Variants in TRRAP observed in about 807,000 individuals in gnomAD.
TRRAP encodes transformation/transcription domain associated protein, also known as transformation/transcription domain-associated protein.
TRRAP carries 41 observed loss-of-function variants against 438.8 expected under a neutral mutation model. The ratio of observed to expected loss-of-function variants is 0.09; its 90% CI spans 0.07 to 0.12. The LOEUF (loss-of-function observed/expected upper bound fraction) is 0.12, where lower values mean the gene tolerates loss of function less well. Ranked by LOEUF, TRRAP falls within the 10% of genes least tolerant of loss-of-function variation. The probability of loss-of-function intolerance (pLI) is 1.00; values close to 1 mark genes in which losing one functional copy is unlikely to be tolerated. For synonymous variants in TRRAP, 1,994 were observed against 1,962.9 expected (o/e 1.02, Z -0.42); for missense variants, 3,122 against 5,055.1 (o/e 0.62, Z 11.60).
intron 10 of TRRAP, among the ~76,000 whole-genome samples, chr7:98,900,230 C>T (rs531871632): frequency 1.3e-5 from 2 of 152,158 alleles, no homozygotes; most frequent in Non-Finnish European, 2.9e-5. Context: ...CATGCACCCT[C>T]CTGACTTGGA....
At chr7:99,010,930 C>T (rs1794400010) in intron 70 of TRRAP, 122 bp from the exon 71 acceptor site, 1 of 1,024,212 alleles carries the variant, frequency 9.8e-7, no homozygotes. Context: ...TTAAATCTGT[C>T]ACCAGAATTT....
intron 26 of TRRAP, among the ~76,000 whole-genome samples, chr7:98,931,976 G>A (rs2116518254): frequency 6.6e-6 from 1 of 151,516 alleles, no homozygotes; most frequent in East Asian, 1.9e-4. Context: ...AGGCTGGAGT[G>A]CAATCCTAGC....
At position 98,984,976 on chromosome 7, in the gene TRRAP, A is replaced by G; in HGVS notation, c.9321A>G (p.Lys3107=). ...GLEVIESTNL[K]YFTKEMTAEF... ...AAGTTATTGAATCTACAAATTTAAA[A>G]TACTTCACAAAAGAGATGACAGCCG... The change falls in exon 62 of 73, where the codon AAA becomes AAG. Residue 3107 remains lysine (K), a synonymous_variant. Transcript: ENST00000456197. 6.2e-7 allele frequency: 1 copy of G among 1,613,428 alleles called. No homozygotes were observed. The highest frequency in any genetic ancestry group is 8.5e-7 in the Non-Finnish European group (1 of 1,179,728).
Position 98,967,506 on chromosome 7 carries a change from C to T in TRRAP, c.7320C>T (p.Ser2440=), listed in dbSNP as rs766510838. 30 of 1,613,794 alleles carry T rather than the reference C, an allele frequency of 1.9e-5. No individual in the cohort carries two copies. Among genetic ancestry groups the T allele is most frequent in the Admixed American group, 5.0e-5 (3 of 59,968 alleles). Residue 2440 remains serine (S), a synonymous_variant, in exon 51 of 73, where the codon AGC becomes AGT. Transcript: ENST00000456197. ...YVYRDETLSG[S]ELTAKLEPAF... is the part of the protein sequence containing the mutation. The stretch of plus-strand genomic sequence containing the variant: ...ACAGGGATGAGACCCTCTCTGGCAG[C>T]GAGCTGACGGCGAAACTTGAGCCTG...
Position 98,975,948 on chromosome 7 carries a change from G to A in TRRAP, c.7840-201G>A, listed in dbSNP as rs1309487220. 4 of 618,672 alleles carry A rather than the reference G, an allele frequency of 6.5e-6. No individual in the cohort carries two copies. The African/African-American group carries it at 7.4e-5, about 11-fold the overall frequency. The allele number at this position is 618,672 out of a possible 1,614,324, so 38.3% of individuals were successfully genotyped here. A position where few individuals can be genotyped will look rare whatever the true frequency, so the allele number is the denominator to read the frequency against. ...GAGCCTCTCGGGATGCCTGGGCTTG[G>A]CTGCTAAGTGCACCATGGCTTCCCA... On this transcript the variant is annotated intron_variant, in intron 53 of 72. Coordinates refer to ENST00000456197, the MANE Select transcript of TRRAP (RefSeq NM_001375524.1).
intron 67 of TRRAP, among the ~76,000 whole-genome samples, chr7:98,998,369 AT>A (rs1433281927): frequency 2.6e-5 from 4 of 152,220 alleles, no homozygotes; most frequent in African/African-American, 4.8e-5. Context: ...AAAAAAAAGT[AT>A]GAATGCTCCT....
At chr7:99,003,216 C>G (rs2283015) in intron 67 of TRRAP, among the ~76,000 whole-genome samples, 16,602 of 152,154 alleles carry the variant, frequency 0.11, 990 homozygotes, top group East Asian at 0.26. Flanking sequence ...GGGAGGAAGT[C>G]GAGGCGTTCT....
chr7:98,911,912 G>A, intron 17 of TRRAP, 110 bp from the exon 18 acceptor site: 1 of 949,614 alleles, frequency 1.1e-6, no homozygotes, highest in South Asian at 1.8e-5. Flanking sequence ...TAAATTTCTT[G>A]GAATGTGTGA....
Position 98,902,454 on chromosome 7 carries a change from G to A in TRRAP, c.898-925G>A, listed in dbSNP as rs567355143. Among the ~76,000 whole-genome samples, 128 of 152,194 alleles carry A rather than the reference G, an allele frequency of 8.4e-4. 1 individual carries two copies. The highest frequency in any genetic ancestry group is 2.9e-3 in the African/African-American group (120 of 41,534). On this transcript the variant is annotated intron_variant, in intron 11 of 72. Coordinates refer to ENST00000456197, the MANE Select transcript of TRRAP (RefSeq NM_001375524.1). ...AATTGGATTATAATTTATGCTTTTT[G>A]TATGGCTTTTATTTCAGAAAAATAA...
intron 29 of TRRAP, 133 bp downstream of exon 29, chr7:98,937,410 T>G (rs1562950127): frequency 6.0e-6 from 8 of 1,323,582 alleles, no homozygotes; most frequent in Non-Finnish European, 8.1e-6. Context: ...ATGTGGTTAT[T>G]ACACACTAAA....
At chr7:98,989,800 C>A (rs145482267) in intron 63 of TRRAP, among the ~76,000 whole-genome samples, 3,198 of 152,312 alleles carry the variant, frequency 0.021, 49 homozygotes, top group Non-Finnish European at 0.036. Flanking sequence ...AGCAAAAGTT[C>A]ATTTTGTTTG....
chr7:98,898,512 G>A (rs1410380699), intron 8 of TRRAP, among the ~76,000 whole-genome samples: 3 of 152,182 alleles, frequency 2.0e-5, no homozygotes, highest in African/African-American at 7.2e-5. Context: ...TGTTTCAGTT[G>A]TGCTAGGATG....
chr7:98,960,066 G>A (rs1162808718), intron 45 of TRRAP, among the ~76,000 whole-genome samples: 1 of 151,962 alleles, frequency 6.6e-6, no homozygotes, highest in East Asian at 1.9e-4. Flanking sequence ...TTGTGGACTC[G>A]TTTCTAAAAC....
chr7:98,959,959 AAG>A (rs1255252397), intron 45 of TRRAP, among the ~76,000 whole-genome samples: 16 of 151,582 alleles, frequency 1.1e-4, no homozygotes, highest in African/African-American at 3.9e-4. Flanking sequence ...AAAAAAGAAA[AAG>A]AAAAGAAAAG....
intron 67 of TRRAP, among the ~76,000 whole-genome samples, chr7:99,003,681 G>A (rs1036380749): frequency 5.9e-5 from 9 of 152,220 alleles, no homozygotes; most frequent in African/African-American, 1.7e-4. Flanking sequence ...CTCTCCACGC[G>A]GTGGGAGGTC....
chr7:98,970,090 C>T, intron 51 of TRRAP, 22 bp from the exon 52 acceptor site: 1 of 1,612,020 alleles, frequency 6.2e-7, no homozygotes, highest in African/African-American at 1.3e-5. Flanking sequence ...TTGGGTCTGT[C>T]TCCTTTCCGC....
chr7:98,954,991 T>A, intron 40 of TRRAP, 107 bp from the exon 41 acceptor site: 1 of 1,231,422 alleles, frequency 8.1e-7, no homozygotes, highest in Non-Finnish European at 1.1e-6. Flanking sequence ...AAGAAGTTTT[T>A]AAAAAATTGT....
At chr7:98,937,902 C>T in intron 30 of TRRAP, 82 bp downstream of exon 30, 3 of 1,419,430 alleles carry the variant, frequency 2.1e-6, no homozygotes, top group Non-Finnish European at 2.8e-6. Context: ...CAGCTGGGCA[C>T]AGTGGTTCAC....
chr7:98,897,933 A>C (rs1584281302), intron 8 of TRRAP, 67 bp downstream of exon 8: 2 of 1,575,420 alleles, frequency 1.3e-6, no homozygotes, highest in Admixed American at 1.8e-5. Flanking sequence ...CTGTTAAACC[A>C]TTTTTTTTTC....
Sources: gnomAD v4.1 joint callset for allele counts (sites outside exome capture counted in the v4.1 genomes callset) on GRCh38, gnomAD v4.1.1 for gene constraint, MANE v1.5 for transcripts, NCBI Gene and HGNC (gene_info 2026-07-23, HGNC 2026-07-21) for gene names.